Variants in REPS2 observed in about 807,000 individuals in gnomAD.
REPS2 encodes the protein RALBP1 associated Eps domain containing 2, also known as ralBP1-associated Eps domain-containing protein 2.
REPS2 carries 23 observed loss-of-function variants against 53.6 expected under a neutral mutation model. The ratio of observed to expected loss-of-function variants is 0.43; its 90% CI spans 0.31 to 0.61. The LOEUF (loss-of-function observed/expected upper bound fraction) is 0.61, where lower values mean the gene tolerates loss of function less well. Ranked by LOEUF, REPS2 falls within the 20% of genes least tolerant of loss-of-function variation. REPS2 has a pLI of 0.11. For missense variants in REPS2, 446 were observed against 534.9 expected (o/e 0.83, Z 1.64); for synonymous variants, 238 against 218.6 (o/e 1.09, Z -0.78).
chrX:17,050,141 C>CCTTCCTTCCTTTCTTTCTTTCTTTCTTT (rs1555926667), intron 6 of REPS2, among the ~76,000 whole-genome samples: 8 of 20,380 alleles, frequency 3.9e-4, no homozygotes, highest in Non-Finnish European at 3.7e-4. Flanking sequence ...TTCCTTTCTT[C>CCTTCCTTCCTTTCTTTCTTTCTTTCTTT]CTTTCTTTCT....
intron 2 of REPS2, among the ~76,000 whole-genome samples, chrX:17,019,331 T>C (rs1336041161): frequency 4.4e-5 from 5 of 112,440 alleles, no homozygotes. Context: ...GCCACTCTCA[T>C]TGTCTCCTCA....
chrX:17,074,936 A>T (rs1159373700), intron 12 of REPS2, among the ~76,000 whole-genome samples: 1 of 111,753 alleles, frequency 8.9e-6, no homozygotes, highest in Non-Finnish European at 1.9e-5. Flanking sequence ...GAAAAAGTAA[A>T]TTTAAGTCTG....
intron 1 of REPS2, among the ~76,000 whole-genome samples, chrX:16,949,728 CTATT>C (rs2060484044): frequency 9.0e-6 from 1 of 111,421 alleles, no homozygotes; most frequent in East Asian, 2.8e-4. Flanking sequence ...TTTTAATAGA[CTATT>C]TTTTTTTTTC....
intron 4 of REPS2, among the ~76,000 whole-genome samples, chrX:17,026,691 G>A (rs900504481): frequency 1.8e-5 from 2 of 111,135 alleles, no homozygotes; most frequent in African/African-American, 6.5e-5. Context: ...CATCTTTCTT[G>A]ACTCTCAGCA....
rs1475620157 is a variant in REPS2 at position 17,061,686 on chromosome X, A to G, written c.1115-752A>G. On this transcript the variant is annotated intron_variant, in intron 8 of 17. Transcript: ENST00000357277. Reference sequence around the variant, plus strand: ...ATTGACAAATTTTCTAGCTGTTGAGATATTTCTTTCCTAATTACTTTGTGA... The same window carrying G: ...ATTGACAAATTTTCTAGCTGTTGAGGTATTTCTTTCCTAATTACTTTGTGA... Among the ~76,000 whole-genome samples, 3 of 112,333 alleles carry G rather than the reference A, an allele frequency of 2.7e-5. No homozygotes were observed. The East Asian group carries it at 8.3e-4, about 31-fold the overall frequency.
the REPS2 span, among the ~76,000 whole-genome samples, chrX:17,174,007 G>A: frequency 8.2e-3 from 898 of 109,405 alleles, 5 homozygotes; most frequent in Non-Finnish European, 0.013. Flanking sequence ...CACACTGAAA[G>A]GTCATATGTA....
intron 15 of REPS2, 116 bp downstream of exon 15, chrX:17,134,023 G>T (rs1475748410): frequency 4.3e-5 from 24 of 560,860 alleles, no homozygotes; most frequent in Non-Finnish European, 6.6e-5. Context: ...GAATGTCAAT[G>T]ATCCAGATTT....
intron 1 of REPS2, among the ~76,000 whole-genome samples, chrX:16,962,436 G>T (rs1364870438): frequency 9.0e-6 from 1 of 110,796 alleles, no homozygotes; most frequent in Non-Finnish European, 1.9e-5. Flanking sequence ...AATACTTCAT[G>T]ATCTTATTTA....
intron 9 of REPS2, 148 bp downstream of exon 9, chrX:17,062,680 A>C (rs2062174231): frequency 2.4e-6 from 1 of 415,570 alleles, no homozygotes; most frequent in Non-Finnish European, 4.1e-6. Context: ...GGTAATTATT[A>C]ATACTTTGAT....
At chrX:17,126,717 CTT>C (rs1183142306) in intron 14 of REPS2, among the ~76,000 whole-genome samples, 1 of 110,893 alleles carries the variant, frequency 9.0e-6, no homozygotes, top group Non-Finnish European at 1.9e-5. Context: ...TATCCCACCA[CTT>C]TTTTTTTGTA....
chrX:16,992,572 TTA>T (rs1346176591), intron 1 of REPS2, among the ~76,000 whole-genome samples: 1 of 111,944 alleles, frequency 8.9e-6, no homozygotes, highest in Non-Finnish European at 1.9e-5. Context: ...TCCACCTTCC[TTA>T]TGTTTTTATT....
At chrX:17,093,191 TATATATATA>T (rs796357675) in intron 13 of REPS2, among the ~76,000 whole-genome samples, 4 of 11,402 alleles carry the variant, frequency 3.5e-4, no homozygotes, top group Non-Finnish European at 3.1e-4. Context: ...TATATATATA[TATATATATA>T]ATTTTTTTTT....
chrX:17,191,682 T>A, the REPS2 span, among the ~76,000 whole-genome samples: 1 of 112,525 alleles, frequency 8.9e-6, no homozygotes, highest in African/African-American at 3.2e-5. Context: ...TGGCAGGGAA[T>A]ACTCAGCAAT....
chrX:17,019,067 A>G lies in REPS2; in HGVS notation c.398-3056A>G, dbSNP rs184071345. 9.9e-5 allele frequency among the ~76,000 whole-genome samples: 11 copies of G among 111,526 alleles called. No homozygotes were observed. In the East Asian group the frequency reaches 3.1e-3, roughly 31 times the overall value. ...AGTGATCCTCCCACCTCGGCCTCCC[A>G]AAGTGCTGGGATTACAGGCATGAGC... On this transcript the variant is annotated intron_variant, in intron 2 of 17. Transcript: ENST00000357277.
chrX:17,088,905 A>T (rs2062578975), intron 13 of REPS2, among the ~76,000 whole-genome samples: 1 of 111,473 alleles, frequency 9.0e-6, no homozygotes, highest in Admixed American at 9.5e-5. Context: ...AAGTTGGGAA[A>T]TCTTTGTTTA....
chrX:17,023,284 C>T (rs776766656), intron 3 of REPS2, among the ~76,000 whole-genome samples: 8 of 110,922 alleles, frequency 7.2e-5, no homozygotes, highest in East Asian at 2.9e-4. Flanking sequence ...AAAAATTAGC[C>T]GGGCGTGGTG....
chrX:17,071,214 C>G, intron 11 of REPS2, among the ~76,000 whole-genome samples: 1 of 112,368 alleles, frequency 8.9e-6, no homozygotes, highest in Middle Eastern at 4.6e-3. Flanking sequence ...CGCCTGGGGT[C>G]AGTTCTTTCT....
chrX:17,140,006 C>T (rs2063421543), intron 17 of REPS2, among the ~76,000 whole-genome samples: 1 of 111,850 alleles, frequency 8.9e-6, no homozygotes, highest in African/African-American at 3.3e-5. Flanking sequence ...CTATATCCCC[C>T]AGTTCTCTAC....
rs191368555 is a variant in REPS2, at chrX:17,134,652, C to T, written c.1663-609C>T. 2.2e-4 allele frequency among the ~76,000 whole-genome samples: 24 copies of T among 109,564 alleles called. No homozygotes were observed. The East Asian group carries it at 4.6e-3, about 21-fold the overall frequency. ...TTGTTTTTGTTTTTTTTTCCTGAGACAGAGTCTCGCTTTGTTGCCCAGGCT... is the reference window on the plus strand; with the variant it reads ...TTGTTTTTGTTTTTTTTTCCTGAGATAGAGTCTCGCTTTGTTGCCCAGGCT... On this transcript the variant is annotated intron_variant, in intron 15 of 17. Transcript: ENST00000357277.
Sources: gnomAD v4.1 joint callset for allele counts (sites outside exome capture counted in the v4.1 genomes callset) on GRCh38, gnomAD v4.1.1 for gene constraint, MANE v1.5 for transcripts, NCBI Gene and HGNC (gene_info 2026-07-23, HGNC 2026-07-21) for gene names.